The following ERICH3 variants were observed in gnomAD, a reference collection of about 807,000 sequenced individuals.
The protein encoded by ERICH3 is glutamate rich 3.
ERICH3 carries 126 observed loss-of-function variants against 131.1 expected under a neutral mutation model. The ratio of observed to expected loss-of-function variants is 0.96; its 90% CI spans 0.83 to 1.11. ERICH3 has a LOEUF of 1.11. Among genes scored for constraint, ERICH3 ranks in the 50% most tolerant of loss-of-function variants. The pLI, the probability that ERICH3 is intolerant of heterozygous loss-of-function variation, is 0.00. For missense variants in ERICH3, 2,050 were observed against 1,810.7 expected (o/e 1.13, Z -2.40); for synonymous variants, 695 against 644.6 (o/e 1.08, Z -1.18).
At chr1:74,632,380 A>G (rs1463712747) in intron 6 of ERICH3, among the ~76,000 whole-genome samples, 1 of 151,772 alleles carries the variant, frequency 6.6e-6, no homozygotes, top group Non-Finnish European at 1.5e-5. Context: ...ACTGTTTAGC[A>G]TAAATAACTC....
chr1:74,571,938 C>G lies in ERICH3; in HGVS notation c.3772G>C (p.Ala1258Pro). The G allele has an allele frequency of 6.2e-7, 1 of 1,613,532 alleles. No homozygotes were observed. Among genetic ancestry groups the G allele is most frequent in the Non-Finnish European group, 8.5e-7 (1 of 1,180,038 alleles). The stretch of plus-strand genomic sequence containing the variant: ...ACATCCACTCCTCCTTGCCCTTCAG[C>G]TCTCCCCTCCAGTCCTGCGCAGGAG... Reference protein sequence around the residue: ...HDSCAGLEGRAEGQGGVDVVL... With the variant: ...HDSCAGLEGRPEGQGGVDVVL... Residue 1258 changes from alanine (A) to proline (P), a missense_variant, in exon 14 of 15, where the codon GCT becomes CCT. Coordinates refer to ENST00000326665, the MANE Select transcript of ERICH3 (RefSeq NM_001002912.5).
At chr1:74,652,757 A>AC (rs1250723163) in intron 1 of ERICH3, among the ~76,000 whole-genome samples, 2 of 151,612 alleles carry the variant, frequency 1.3e-5, no homozygotes, top group African/African-American at 2.4e-5. Context: ...GGGCATTGTG[A>AC]CCATATTACT....
chr1:74,607,589 C>T (rs891575944), intron 9 of ERICH3, among the ~76,000 whole-genome samples: 2 of 151,850 alleles, frequency 1.3e-5, no homozygotes, highest in African/African-American at 4.8e-5. Flanking sequence ...CTTTTGAAGT[C>T]TGCACTACAG....
rs1159774847 is a variant in ERICH3, at chr1:74,589,883, T to C, written c.1924A>G (p.Ile642Val). ...GTTATTTCTTGGTCTTCAATTTCAATTTCTAAGGATTCCTCAATTGGAAGG... is the reference window on the plus strand; with the variant it reads ...GTTATTTCTTGGTCTTCAATTTCAACTTCTAAGGATTCCTCAATTGGAAGG... Reference protein sequence around the residue: ...SHLPIEESLEIEIEDQEITKA... With the variant: ...SHLPIEESLEVEIEDQEITKA... The change falls in exon 12 of 15, where the codon ATT becomes GTT. Residue 642 changes from isoleucine (I) to valine (V), a missense_variant. Ile to Val is a conservative substitution (Grantham distance 29, BLOSUM62 3). Coordinates refer to ENST00000326665, the MANE Select transcript of ERICH3 (RefSeq NM_001002912.5). 2 of 1,614,094 alleles carry C rather than the reference T, an allele frequency of 1.2e-6. No homozygotes were observed. Among genetic ancestry groups the C allele is most frequent in the African/African-American group, 1.3e-5 (1 of 75,046 alleles).
At position 74,571,261 on chromosome 1, in the gene ERICH3, C is replaced by A. The variant is rs893771012; in HGVS notation, c.4449G>T (p.Glu1483Asp). ...KFRLGLSREG[E>D]RELSPESLQA... ...GTAGACTCTCCGGACTCAATTCCCT[C>A]TCTCCCTCCCGTGATAATCCTAATC... Residue 1483 changes from glutamate (E) to aspartate (D), a missense_variant, in exon 14 of 15, where the codon GAG becomes GAT. Coordinates refer to ENST00000326665, the MANE Select transcript of ERICH3 (RefSeq NM_001002912.5). The A allele has an allele frequency of 1.2e-6, 2 of 1,614,108 alleles. No individual in the cohort carries two copies. Among genetic ancestry groups the A allele is most frequent in the Non-Finnish European group, 1.7e-6 (2 of 1,180,008 alleles).
rs566811861 is a variant in ERICH3, at chr1:74,583,522, T to G, written c.2176+6109A>C. On this transcript the variant is annotated intron_variant, in intron 12 of 14. Transcript: ENST00000326665. ...CTCTCTCTCTCTGTCTGTCTTATTA[T>G]ACTGTACTCACCTATTTTCAGACTG... Among the ~76,000 whole-genome samples, 5 of 152,244 alleles carry G rather than the reference T, an allele frequency of 3.3e-5. No homozygotes were observed. In the East Asian group the frequency reaches 9.7e-4, roughly 29 times the overall value.
intron 1 of ERICH3, among the ~76,000 whole-genome samples, chr1:74,655,385 T>C (rs1489507951): frequency 1.3e-5 from 2 of 152,310 alleles, no homozygotes; most frequent in East Asian, 3.9e-4. Flanking sequence ...GCATTCCTTC[T>C]GCAGGATCTA....
At chr1:74,591,345 A>T (rs1647592858) in intron 11 of ERICH3, among the ~76,000 whole-genome samples, 1 of 152,168 alleles carries the variant, frequency 6.6e-6, no homozygotes, top group African/African-American at 2.4e-5. Context: ...TCCCATGGGC[A>T]CTTCTGACAT....
At chr1:74,640,170 C>T (rs912455257) in intron 5 of ERICH3, among the ~76,000 whole-genome samples, 1 of 152,114 alleles carries the variant, frequency 6.6e-6, no homozygotes, top group Non-Finnish European at 1.5e-5. Context: ...GAAAAGAAAG[C>T]CTTTCAAGGA....
At chr1:74,667,996 C>G (rs59855251) in intron 1 of ERICH3, among the ~76,000 whole-genome samples, 14,178 of 152,198 alleles carry the variant, frequency 0.093, 2,235 homozygotes, top group African/African-American at 0.32. Context: ...CTTGCTTTCT[C>G]TCCTGCTGCG....
At position 74,586,464 on chromosome 1, in the gene ERICH3, A is replaced by G. The variant is rs904649797; in HGVS notation, c.2176+3167T>C. 2.8e-5 allele frequency: 28 copies of G among 984,550 alleles called. No homozygotes were observed. The African/African-American group carries it at 3.7e-4, about 13-fold the overall frequency. 61.0% of individuals were successfully genotyped at this position (984,550 alleles called of 1,614,324 possible). On this transcript the variant is annotated intron_variant, in intron 12 of 14. Coordinates refer to ENST00000326665, the MANE Select transcript of ERICH3 (RefSeq NM_001002912.5). Reference sequence around the variant, plus strand: ...GGAGAAAAAGAGTAAAGGTTGGGCGAGAAAGACTTTCACTTTCACTTTATT... The same window carrying G: ...GGAGAAAAAGAGTAAAGGTTGGGCGGGAAAGACTTTCACTTTCACTTTATT...
intron 6 of ERICH3, 120 bp from the exon 7 acceptor site, chr1:74,632,048 G>T: frequency 1.1e-6 from 1 of 872,316 alleles, no homozygotes; most frequent in South Asian, 1.8e-5. Context: ...GATATCAATA[G>T]ACAAACTCAA....
At position 74,624,562 on chromosome 1, in the gene ERICH3, A is replaced by T. The variant is rs139732918; in HGVS notation, c.820-3648T>A. 2.6e-5 allele frequency: 4 copies of T among 152,078 alleles called. No individual in the cohort carries two copies. The East Asian group carries it at 5.8e-4, about 22-fold the overall frequency. The allele number at this position is 152,078 out of a possible 1,614,324, so 9.4% of individuals were successfully genotyped here. A position where few individuals can be genotyped will look rare whatever the true frequency, so the allele number is the denominator to read the frequency against. On this transcript the variant is annotated intron_variant, in intron 7 of 14. Coordinates refer to ENST00000326665, the MANE Select transcript of ERICH3 (RefSeq NM_001002912.5). ...CTTACTACTGTGTAAACTTTACCTC[A>T]TGCTTATTCCTAATGTGCCCAGAAA... is the stretch of plus-strand genomic sequence containing the variant.
At chr1:74,596,636 A>C (rs536153557) in intron 11 of ERICH3, among the ~76,000 whole-genome samples, 24 of 152,220 alleles carry the variant, frequency 1.6e-4, no homozygotes, top group Non-Finnish European at 2.8e-4. Flanking sequence ...ACTATCATCC[A>C]AACTGTCCAT....
intron 10 of ERICH3, among the ~76,000 whole-genome samples, chr1:74,602,835 A>T (rs943819398): frequency 3.3e-5 from 5 of 151,932 alleles, no homozygotes; most frequent in African/African-American, 1.2e-4. Context: ...ATGAAAACAC[A>T]TCCTATTTGT....
chr1:74,617,389 T>C lies in ERICH3; in HGVS notation c.1000+3345A>G, dbSNP rs192308230. Among the ~76,000 whole-genome samples the C allele has an allele frequency of 1.8e-4, 28 of 152,330 alleles. 1 individual carries two copies. Among genetic ancestry groups the C allele is most frequent in the Admixed American group, 1.6e-3 (24 of 15,312 alleles). The stretch of plus-strand genomic sequence containing the variant: ...TAGGAATCTAATCAAGAGCAACATG[T>C]ATCTACCCAAAAACGTGTTTTTATG... On this transcript the variant is annotated intron_variant, in intron 8 of 14. Transcript: ENST00000326665.
intron 11 of ERICH3, among the ~76,000 whole-genome samples, chr1:74,596,421 T>G (rs576804094): frequency 1.4e-4 from 22 of 152,208 alleles, no homozygotes; most frequent in Non-Finnish European, 2.1e-4. Flanking sequence ...AGTATAATGA[T>G]CAAATTGGGG....
intron 11 of ERICH3, among the ~76,000 whole-genome samples, chr1:74,590,625 C>T (rs961144996): frequency 7.2e-5 from 11 of 152,254 alleles, no homozygotes; most frequent in Middle Eastern, 3.4e-3. Flanking sequence ...GTAATGCCAG[C>T]GATAGGGGAT....
At chr1:74,604,385 T>G (rs1648288790) in intron 10 of ERICH3, among the ~76,000 whole-genome samples, 1 of 151,958 alleles carries the variant, frequency 6.6e-6, no homozygotes, top group Non-Finnish European at 1.5e-5. Context: ...TTCATGTTGA[T>G]ATTTTTACCT....
Sources: gnomAD v4.1 joint callset for allele counts (sites outside exome capture counted in the v4.1 genomes callset) on GRCh38, gnomAD v4.1.1 for gene constraint, MANE v1.5 for transcripts, NCBI Gene and HGNC (gene_info 2026-07-23, HGNC 2026-07-21) for gene names.